SLC39A11: variants seen among roughly 807,000 people sequenced by gnomAD.
SLC39A11 encodes the protein zinc transporter ZIP11.
In SLC39A11, 33 loss-of-function variants were observed where a neutral mutation model predicts 36.1. The ratio of observed to expected loss-of-function variants is 0.91; its 90% CI spans 0.69 to 1.22. The LOEUF is 1.22. Among genes scored for constraint, SLC39A11 ranks in the 50% most tolerant of loss-of-function variants. SLC39A11 has a pLI of 0.00. For missense variants in SLC39A11, 432 were observed against 430.3 expected (o/e 1.00, Z -0.03); for synonymous variants, 166 against 170.3 (o/e 0.97, Z 0.20).
At chr17:72,698,444 C>T (rs1266513861) in intron 7 of SLC39A11, among the ~76,000 whole-genome samples, 10 of 131,422 alleles carry the variant, frequency 7.6e-5, no homozygotes, top group Admixed American at 3.9e-4. Context: ...ATTTACAAGT[C>T]TCCATAATAA....
chr17:72,981,022 C>CA (rs959533291), intron 4 of SLC39A11, among the ~76,000 whole-genome samples: 1,203 of 78,132 alleles, frequency 0.015, 20 homozygotes, highest in African/African-American at 0.037. Context: ...GACTCCATCT[C>CA]AAAAAAAAAA....
At chr17:72,666,979 T>A (rs919372775) in intron 7 of SLC39A11, among the ~76,000 whole-genome samples, 1 of 152,122 alleles carries the variant, frequency 6.6e-6, no homozygotes, top group Non-Finnish European at 1.5e-5. Flanking sequence ...GTGCTTCCCA[T>A]TTGCACCTTC....
intron 7 of SLC39A11, among the ~76,000 whole-genome samples, chr17:72,720,717 G>A (rs1248223372): frequency 6.6e-6 from 1 of 152,184 alleles, no homozygotes; most frequent in Non-Finnish European, 1.5e-5. Flanking sequence ...ACAATCCACT[G>A]AGGTAGATAC....
At chr17:72,800,474 C>T (rs2077048398) in intron 6 of SLC39A11, among the ~76,000 whole-genome samples, 1 of 151,972 alleles carries the variant, frequency 6.6e-6, no homozygotes, top group South Asian at 2.1e-4. Flanking sequence ...CCACGCCCAG[C>T]TAATTTTTGT....
chr17:72,849,810 C>CAAAA lies in SLC39A11; in HGVS notation c.431-10_431-7dup, dbSNP rs34998299. On this transcript the variant is annotated splice_polypyrimidine_tract_variant and splice_region_variant and intron_variant, in intron 5 of 9. Transcript: ENST00000255559. ...CTCACCATTCTCACTCTTGTCTGAGCAAAAAAAAAAAAAAAGAGAGATGGG... is the reference window on the plus strand; with the variant it reads ...CTCACCATTCTCACTCTTGTCTGAGCAAAAAAAAAAAAAAAAAAAGAGAGATGGG... 8 of 1,322,768 alleles carry CAAAA rather than the reference C, an allele frequency of 6.0e-6. No homozygotes were observed. The highest frequency in any genetic ancestry group is 3.6e-5 in the South Asian group (2 of 56,328). The allele number at this position is 1,322,768 out of a possible 1,614,324, so 81.9% of individuals were successfully genotyped here.
At chr17:72,951,969 G>A (rs1014231436) in intron 4 of SLC39A11, among the ~76,000 whole-genome samples, 3 of 152,100 alleles carry the variant, frequency 2.0e-5, no homozygotes, top group South Asian at 2.1e-4. Context: ...GCAGGGAGAC[G>A]AGCACTAAGA....
At chr17:72,875,567 A>G (rs1422444338) in intron 5 of SLC39A11, among the ~76,000 whole-genome samples, 1 of 152,038 alleles carries the variant, frequency 6.6e-6, no homozygotes, top group East Asian at 1.9e-4. Context: ...TCCCTTCCTC[A>G]TCTCCCACAA....
At chr17:73,071,329 A>C (rs1243853432) in intron 3 of SLC39A11, among the ~76,000 whole-genome samples, 1 of 152,220 alleles carries the variant, frequency 6.6e-6, no homozygotes, top group East Asian at 1.9e-4. Flanking sequence ...CTTTGTGACA[A>C]GAAGAATGGA....
intron 5 of SLC39A11, among the ~76,000 whole-genome samples, chr17:72,888,550 G>A (rs1180079287): frequency 3.3e-5 from 5 of 152,126 alleles, no homozygotes; most frequent in Admixed American, 1.3e-4. Flanking sequence ...TCTTTTCAGA[G>A]TCCCATGCAA....
chr17:72,930,348 T>C (rs2084309295), intron 5 of SLC39A11, among the ~76,000 whole-genome samples: 2 of 152,108 alleles, frequency 1.3e-5, no homozygotes, highest in Admixed American at 1.3e-4. Flanking sequence ...ATCCCATAAC[T>C]AGCAAAGACA....
Position 73,090,388 on chromosome 17 carries a change from C to T in SLC39A11, c.-11-1613G>A, listed in dbSNP as rs58167467. Among the ~76,000 whole-genome samples the T allele has an allele frequency of 6.1e-3, 929 of 152,170 alleles. 11 individuals carry two copies. The highest frequency in any genetic ancestry group is 0.021 in the African/African-American group (872 of 41,528). Reference sequence around the variant, plus strand: ...GCACCAACTGTGAAAACTGTGACCACGCCAATTAAAGAAAAAAAAAATCAT... The same window carrying T: ...GCACCAACTGTGAAAACTGTGACCATGCCAATTAAAGAAAAAAAAAATCAT... On this transcript the variant is annotated intron_variant, in intron 1 of 9. Transcript: ENST00000255559.
intron 4 of SLC39A11, among the ~76,000 whole-genome samples, chr17:73,015,461 T>A (rs1410698729): frequency 6.6e-6 from 1 of 152,238 alleles, no homozygotes; most frequent in African/African-American, 2.4e-5. Flanking sequence ...CACATTAGCA[T>A]ATACAGTTTA....
At chr17:72,667,273 CTA>C (rs1266322430) in intron 7 of SLC39A11, among the ~76,000 whole-genome samples, 2 of 152,170 alleles carry the variant, frequency 1.3e-5, no homozygotes, top group South Asian at 2.1e-4. Flanking sequence ...TCAGGACACT[CTA>C]TGAGGTGAGA....
intron 5 of SLC39A11, among the ~76,000 whole-genome samples, chr17:72,911,800 T>C (rs955252203): frequency 6.6e-6 from 1 of 152,100 alleles, no homozygotes; most frequent in Non-Finnish European, 1.5e-5. Flanking sequence ...CACATCACCA[T>C]GTCCGGTTAA....
At chr17:72,656,932 C>T (rs1239337294) in intron 7 of SLC39A11, among the ~76,000 whole-genome samples, 1 of 150,994 alleles carries the variant, frequency 6.6e-6, no homozygotes, top group Non-Finnish European at 1.5e-5. Flanking sequence ...CTGCTTGAGG[C>T]CAGGAGTTTG....
chr17:73,008,366 T>C (rs1018339536), intron 4 of SLC39A11, among the ~76,000 whole-genome samples: 3 of 152,106 alleles, frequency 2.0e-5, no homozygotes, highest in African/African-American at 2.4e-5. Flanking sequence ...GCACTTACAA[T>C]GAAAGCTAGC....
chr17:72,964,695 A>G (rs2086841338), intron 4 of SLC39A11, among the ~76,000 whole-genome samples: 3 of 152,322 alleles, frequency 2.0e-5, no homozygotes, highest in East Asian at 1.9e-4. Flanking sequence ...ACAGTGTGGC[A>G]ATTACTCAGG....
chr17:72,867,760 G>GCGCA (rs1555608530), intron 5 of SLC39A11, among the ~76,000 whole-genome samples: 1 of 80,486 alleles, frequency 1.2e-5, no homozygotes, highest in East Asian at 3.5e-4. Context: ...AAGTGCGCGC[G>GCGCA]CACACACACA....
intron 6 of SLC39A11, among the ~76,000 whole-genome samples, chr17:72,806,960 T>A (rs1448503647): frequency 6.6e-6 from 1 of 152,216 alleles, no homozygotes; most frequent in African/African-American, 2.4e-5. Flanking sequence ...CCTACTGGAT[T>A]CATATTCTCA....
Sources: gnomAD v4.1 joint callset for allele counts (sites outside exome capture counted in the v4.1 genomes callset) on GRCh38, gnomAD v4.1.1 for gene constraint, MANE v1.5 for transcripts, NCBI Gene and HGNC (gene_info 2026-07-23, HGNC 2026-07-21) for gene names.